The following CDH22 variants were observed in gnomAD, a reference collection of about 807,000 sequenced individuals.
CDH22 encodes the protein cadherin 22, also known as cadherin-22.
Under a neutral mutation model 58.4 loss-of-function variants are expected in CDH22, and 30 were observed. That is an observed-to-expected ratio of 0.51 (90% confidence interval 0.38 to 0.70). CDH22 has a LOEUF of 0.70. Among genes scored for constraint, CDH22 ranks in the 30% least tolerant of loss-of-function variants. CDH22 has a pLI of 0.00. For synonymous variants in CDH22, 513 were observed against 558.2 expected (o/e 0.92, Z 1.14); for missense variants, 1,014 against 1,233.9 (o/e 0.82, Z 2.67).
rs561629400 is a variant in CDH22, at chr20:46,220,848, T to G, written c.671-3855A>C. The G allele has an allele frequency of 3.9e-5, 6 of 152,570 alleles. No homozygotes were observed. In the East Asian group the frequency reaches 1.2e-3, roughly 29 times the overall value. 9.5% of individuals were successfully genotyped at this position (152,570 alleles called of 1,614,324 possible). A position where few individuals can be genotyped will look rare whatever the true frequency, so the allele number is the denominator to read the frequency against. On this transcript the variant is annotated intron_variant, in intron 4 of 11. Coordinates refer to ENST00000537909, the MANE Select transcript of CDH22 (RefSeq NM_021248.3). ...GAGTTGGGCCCCCTGGGCCTTGTTC[T>G]CGGGATCCAGGGAACAGGGTAGGTT...
intron 5 of CDH22, among the ~76,000 whole-genome samples, chr20:46,214,787 G>A (rs1471310820): frequency 6.6e-6 from 1 of 152,148 alleles, no homozygotes; most frequent in East Asian, 1.9e-4. Context: ...TGCTCCCTTG[G>A]CCCCCAAGCT....
chr20:46,230,181 TG>T (rs2086210436), intron 3 of CDH22, among the ~76,000 whole-genome samples: 1 of 152,042 alleles, frequency 6.6e-6, no homozygotes, highest in South Asian at 2.1e-4. Flanking sequence ...GGGACCACCT[TG>T]GGGTGGTCCC....
chr20:46,228,217 G>C (rs2086194042), intron 3 of CDH22, among the ~76,000 whole-genome samples: 1 of 150,980 alleles, frequency 6.6e-6, no homozygotes, highest in Non-Finnish European at 1.5e-5. Context: ...GGGGGTCAGA[G>C]GCCAGTGTCT....
chr20:46,299,322 C>A (rs2086641192), intron 1 of CDH22, among the ~76,000 whole-genome samples: 1 of 152,252 alleles, frequency 6.6e-6, no homozygotes, highest in East Asian at 1.9e-4. Context: ...AGCTCAAATA[C>A]TGCCTCCCCC....
chr20:46,177,504 C>CA, intron 11 of CDH22, among the ~76,000 whole-genome samples: 1 of 152,236 alleles, frequency 6.6e-6, no homozygotes, highest in East Asian at 1.9e-4. Context: ...GACCTAATAT[C>CA]AAATCCAAAG....
chr20:46,269,125 C>CT (rs2145755766), intron 1 of CDH22, among the ~76,000 whole-genome samples: 1 of 152,348 alleles, frequency 6.6e-6, no homozygotes, highest in African/African-American at 2.4e-5. Flanking sequence ...TGTGATCTGG[C>CT]TGCTAACTCT....
At position 46,251,298 on chromosome 20, in the gene CDH22, T is replaced by C; in HGVS notation, c.-4A>G. 3 of 1,448,560 alleles carry C rather than the reference T, an allele frequency of 2.1e-6. No individual in the cohort carries two copies. Among genetic ancestry groups the C allele is most frequent in the South Asian group, 1.4e-5 (1 of 73,370 alleles). The allele number at this position is 1,448,560 out of a possible 1,614,324, so 89.7% of individuals were successfully genotyped here. On this transcript the variant is annotated 5_prime_UTR_variant, in exon 2 of 12. Transcript: ENST00000537909. The surrounding 1 kb of genome is among the most constrained non-coding windows in gnomAD (Gnocchi z 6.7). ...TACCTTCGGGCCTCGGCCTCATCCT[T>C]GGCCTGCGCGGGGCTGGGGCCCAGG...
intron 1 of CDH22, among the ~76,000 whole-genome samples, chr20:46,252,249 C>CA (rs1457464910): frequency 6.6e-6 from 1 of 152,180 alleles, no homozygotes; most frequent in Non-Finnish European, 1.5e-5. Flanking sequence ...CTCGTACCCC[C>CA]ACACCAGCTT....
intron 5 of CDH22, among the ~76,000 whole-genome samples, chr20:46,215,852 C>A (rs528553742): frequency 6.6e-6 from 1 of 152,322 alleles, no homozygotes; most frequent in South Asian, 2.1e-4. Context: ...CATGGGGCTG[C>A]CTTCAGGGGC....
intron 1 of CDH22, among the ~76,000 whole-genome samples, chr20:46,253,229 G>A (rs2086389556): frequency 1.3e-5 from 2 of 152,248 alleles, no homozygotes; most frequent in South Asian, 4.1e-4. Context: ...TCTGAAAATT[G>A]TCTTATGCCT....
intron 4 of CDH22, among the ~76,000 whole-genome samples, chr20:46,223,678 T>TTTCTTTCTTTC (rs2086145232): frequency 1.4e-5 from 1 of 73,834 alleles, no homozygotes; most frequent in Admixed American, 1.3e-4. Flanking sequence ...TCTTTCTTTC[T>TTTCTTTCTTTC]TTCTTTCTTT....
intron 4 of CDH22, among the ~76,000 whole-genome samples, chr20:46,223,671 T>TTCTTTCTTTC (rs1175988605): frequency 1.9e-5 from 1 of 51,918 alleles, no homozygotes; most frequent in East Asian, 5.2e-4. Context: ...CTTTCCTTCT[T>TTCTTTCTTTC]TCTTTCTTTC....
intron 1 of CDH22, among the ~76,000 whole-genome samples, chr20:46,277,042 AC>A (rs2086521801): frequency 2.0e-5 from 3 of 152,070 alleles, no homozygotes; most frequent in Non-Finnish European, 2.9e-5. Context: ...TAATCCCAGA[AC>A]TTTTGGAGGC....
chr20:46,297,762 T>C (rs2086635045), intron 1 of CDH22, among the ~76,000 whole-genome samples: 1 of 151,944 alleles, frequency 6.6e-6, no homozygotes, highest in Non-Finnish European at 1.5e-5. Flanking sequence ...GAAGGGACAG[T>C]GGCAGTGAGA....
At chr20:46,231,133 G>T (rs566395389) in intron 3 of CDH22, among the ~76,000 whole-genome samples, 1 of 152,316 alleles carries the variant, frequency 6.6e-6, no homozygotes, top group South Asian at 2.1e-4. Flanking sequence ...GACAGGAGCG[G>T]GCTGCTGTCC....
chr20:46,234,901 C>A (rs1261067538), intron 3 of CDH22, among the ~76,000 whole-genome samples: 1 of 152,222 alleles, frequency 6.6e-6, no homozygotes, highest in East Asian at 1.9e-4. Context: ...GTGCTATGCA[C>A]ATAGTAGGCC....
In CDH22 at chr20:46,174,842, G is replaced by A; in HGVS notation, c.2151C>T (p.Gly717=). Residue 717 remains glycine (G), a synonymous_variant, in exon 12 of 12, where the codon GGC becomes GGT. Transcript: ENST00000537909. The surrounding 1 kb of genome is among the most constrained non-coding windows in gnomAD (Gnocchi z 4.4). Reference sequence around the variant, plus strand: ...GGTGGGCCTGCGGGGGGCTGCCCGCGCCCCCGCCCGAGCCCCCGCCCGCTC... The same window carrying A: ...GGTGGGCCTGCGGGGGGCTGCCCGCACCCCCGCCCGAGCCCCCGCCCGCTC... ...GGGAGGGSGG[G]AGSPPQAHLP... is the part of the protein sequence containing the mutation. 7.6e-7 allele frequency: 1 copy of A among 1,324,344 alleles called. No homozygotes were observed. The highest frequency in any genetic ancestry group is 9.6e-7 in the Non-Finnish European group (1 of 1,042,574). The allele number at this position is 1,324,344 out of a possible 1,614,324, so 82.0% of individuals were successfully genotyped here.
intron 1 of CDH22, among the ~76,000 whole-genome samples, chr20:46,268,041 C>T (rs998648136): frequency 1.3e-5 from 2 of 152,264 alleles, no homozygotes; most frequent in Non-Finnish European, 2.9e-5. Flanking sequence ...CCTTTGAATC[C>T]ATGTATCTAC....
chr20:46,222,285 A>C (rs1365438764), intron 4 of CDH22, among the ~76,000 whole-genome samples: 1 of 152,228 alleles, frequency 6.6e-6, no homozygotes, highest in Admixed American at 6.5e-5. Flanking sequence ...CCTGGCACAC[A>C]GCAAGTGCTC....
Sources: gnomAD v4.1 joint callset for allele counts (sites outside exome capture counted in the v4.1 genomes callset) on GRCh38, gnomAD v4.1.1 for gene constraint, Gnocchi (gnomAD v3.1) non-coding constraint, MANE v1.5 for transcripts, NCBI Gene and HGNC (gene_info 2026-07-23, HGNC 2026-07-21) for gene names.